LRRC7: variants seen among roughly 807,000 people sequenced by gnomAD.
LRRC7 encodes leucine rich repeat containing 7.
A neutral mutation model predicts 175.7 loss-of-function variants in LRRC7; 23 were observed. The ratio of observed to expected loss-of-function variants is 0.13; its 90% CI spans 0.09 to 0.19. LRRC7 has a LOEUF of 0.19. Ranked by LOEUF, LRRC7 falls within the 10% of genes least tolerant of loss-of-function variation. The probability of loss-of-function intolerance (pLI) is 1.00; values close to 1 mark genes in which losing one functional copy is unlikely to be tolerated. For missense variants in LRRC7, 1,354 were observed against 1,904.7 expected (o/e 0.71, Z 5.38); for synonymous variants, 685 against 680.9 (o/e 1.01, Z -0.09).
chr1:69,888,013 C>G (rs1645702336), intron 7 of LRRC7, among the ~76,000 whole-genome samples: 1 of 107,228 alleles, frequency 9.3e-6, no homozygotes, highest in African/African-American at 3.5e-5. Flanking sequence ...AACCACTGCT[C>G]CCTTCAAAGC....
chr1:69,846,879 T>C (rs558657841), intron 7 of LRRC7, among the ~76,000 whole-genome samples: 111 of 152,226 alleles, frequency 7.3e-4, no homozygotes, highest in Non-Finnish European at 1.3e-3. Flanking sequence ...AAAATATCTT[T>C]ATCATAAATG....
At chr1:69,819,577 C>G (rs11587988) in intron 4 of LRRC7, among the ~76,000 whole-genome samples, 11,985 of 114,556 alleles carry the variant, frequency 0.1, 588 homozygotes, top group Admixed American at 0.14. Flanking sequence ...CTCTCTCTCT[C>G]TGTGTGTGTG....
At chr1:69,637,799 A>T (rs185132410) in intron 1 of LRRC7, among the ~76,000 whole-genome samples, 1 of 152,048 alleles carries the variant, frequency 6.6e-6, no homozygotes, top group East Asian at 1.9e-4. Context: ...TCTAAAGGAC[A>T]AAGAATGTTT....
chr1:69,748,179 C>T (rs1043786220), intron 2 of LRRC7, among the ~76,000 whole-genome samples: 3 of 152,134 alleles, frequency 2.0e-5, no homozygotes, highest in African/African-American at 7.2e-5. Flanking sequence ...CAAGTACAGC[C>T]ATCATCAGCA....
At chr1:69,664,266 G>A (rs533257195) in intron 1 of LRRC7, among the ~76,000 whole-genome samples, 1 of 152,264 alleles carries the variant, frequency 6.6e-6, no homozygotes, top group East Asian at 1.9e-4. Context: ...AATAAACATG[G>A]GCTACAGATA....
At chr1:69,868,695 G>A (rs142458869) in intron 7 of LRRC7, among the ~76,000 whole-genome samples, 5 of 152,112 alleles carry the variant, frequency 3.3e-5, no homozygotes, top group African/African-American at 1.2e-4. Context: ...TCATTTGCTA[G>A]GACTGCCATA....
At chr1:69,952,791 T>C (rs1650072670) in intron 8 of LRRC7, among the ~76,000 whole-genome samples, 1 of 151,764 alleles carries the variant, frequency 6.6e-6, no homozygotes, top group African/African-American at 2.4e-5. Context: ...GCCAACAAAA[T>C]AGAGAAAACC....
chr1:69,992,505 A>G (rs1654536700), intron 10 of LRRC7, among the ~76,000 whole-genome samples: 1 of 152,262 alleles, frequency 6.6e-6, no homozygotes, highest in East Asian at 1.9e-4. Context: ...AAGATGTTAA[A>G]TGCTGGAGGA....
intron 7 of LRRC7, among the ~76,000 whole-genome samples, chr1:69,879,232 A>AAAAAAC (rs1686349138): frequency 6.8e-6 from 1 of 147,938 alleles, no homozygotes; most frequent in East Asian, 2.0e-4. Context: ...AAAAAAAAAA[A>AAAAAAC]AAAAGACTGC....
chr1:70,029,483 T>C (rs561808376), intron 18 of LRRC7, among the ~76,000 whole-genome samples: 48 of 147,114 alleles, frequency 3.3e-4, no homozygotes, highest in African/African-American at 1.2e-3. Flanking sequence ...GGAATACAGC[T>C]AGATTTCTAA....
rs1430399277 is a variant in LRRC7, at chr1:70,132,117, C to T, written c.*10230C>T. On this transcript the variant is annotated 3_prime_UTR_variant, in exon 27 of 27. Transcript: ENST00000651989. The stretch of plus-strand genomic sequence containing the variant: ...TAAAAGAAATCAGATTCAGGCATAT[C>T]CTCCAGTCTCTTCGTTCTGGTGACC... 6.6e-6 allele frequency: 1 copy of T among 152,184 alleles called. No individual in the cohort carries two copies. Among genetic ancestry groups the T allele is most frequent in the Non-Finnish European group, 1.5e-5 (1 of 68,058 alleles). The allele number at this position is 152,184 out of a possible 1,614,324, so 9.4% of individuals were successfully genotyped here.
chr1:69,872,060 A>G (rs893842117), intron 7 of LRRC7, among the ~76,000 whole-genome samples: 1 of 152,008 alleles, frequency 6.6e-6, no homozygotes, highest in South Asian at 2.1e-4. Flanking sequence ...TTAATGGAAA[A>G]TATACAAGTC....
chr1:69,644,697 C>G (rs191945360), intron 1 of LRRC7, among the ~76,000 whole-genome samples: 1 of 151,914 alleles, frequency 6.6e-6, no homozygotes, highest in Non-Finnish European at 1.5e-5. Context: ...ATACCAAAAC[C>G]TGGTATCAAG....
intron 8 of LRRC7, among the ~76,000 whole-genome samples, chr1:69,973,571 A>G (rs191877648): frequency 5.6e-4 from 85 of 152,312 alleles, no homozygotes; most frequent in Admixed American, 9.8e-4. Context: ...TATTGATGTA[A>G]CCATTTTCGT....
At chr1:69,732,650 C>A (rs1418901090) in intron 2 of LRRC7, among the ~76,000 whole-genome samples, 1 of 151,896 alleles carries the variant, frequency 6.6e-6, no homozygotes, top group Non-Finnish European at 1.5e-5. Context: ...AAACAGAATT[C>A]TTCAATCCTC....
At chr1:70,088,224 G>A (rs1663755834) in intron 24 of LRRC7, among the ~76,000 whole-genome samples, 1 of 151,908 alleles carries the variant, frequency 6.6e-6, no homozygotes, top group Non-Finnish European at 1.5e-5. Flanking sequence ...GCTAACCTTT[G>A]GTAACACTTG....
At chr1:69,819,577 CTG>C (rs71071379) in intron 4 of LRRC7, among the ~76,000 whole-genome samples, 32,188 of 113,160 alleles carry the variant, frequency 0.28, 4,005 homozygotes, top group South Asian at 0.38. Flanking sequence ...CTCTCTCTCT[CTG>C]TGTGTGTGTG....
At chr1:69,759,775 G>C (rs972965220) in intron 2 of LRRC7, among the ~76,000 whole-genome samples, 2 of 152,010 alleles carry the variant, frequency 1.3e-5, no homozygotes, top group African/African-American at 4.8e-5. Context: ...AGAAATGGGA[G>C]AAATGTTTTT....
At chr1:69,803,919 A>G (rs552274343) in intron 4 of LRRC7, among the ~76,000 whole-genome samples, 100 of 151,054 alleles carry the variant, frequency 6.6e-4, no homozygotes, top group African/African-American at 2.3e-3. Flanking sequence ...ACTTTTCCAG[A>G]GGTTTTTCTA....
Sources: gnomAD v4.1 joint callset for allele counts (sites outside exome capture counted in the v4.1 genomes callset) on GRCh38, gnomAD v4.1.1 for gene constraint, MANE v1.5 for transcripts, NCBI Gene and HGNC (gene_info 2026-07-23, HGNC 2026-07-21) for gene names.